TRIM55: variants seen among roughly 807,000 people sequenced by gnomAD.
TRIM55 encodes the protein tripartite motif containing 55.
TRIM55 carries 50 observed loss-of-function variants against 60.9 expected under a neutral mutation model. That is an observed-to-expected ratio of 0.82 (90% CI 0.65 to 1.04). TRIM55 has a LOEUF of 1.04. TRIM55 is among the 50% of genes least tolerant of loss of function. The probability of loss-of-function intolerance (pLI) is 0.00; values close to 1 mark genes in which losing one functional copy is unlikely to be tolerated. For synonymous variants in TRIM55, 237 were observed against 238.1 expected, an observed-to-expected ratio of 1.00 and a Z score of 0.04; for missense variants, 681 against 666.9, an observed-to-expected ratio of 1.02 and a Z score of -0.23.
intron 9 of TRIM55, chr8:66,155,532 G>C: frequency 1.0e-6 from 1 of 995,158 alleles, no homozygotes; most frequent in Non-Finnish European, 1.5e-6. Flanking sequence ...ACGTAGTAGG[G>C]CTCAAGCCAA....
intron 7 of TRIM55, 85 bp downstream of exon 7, chr8:66,150,551 A>C: frequency 6.7e-7 from 1 of 1,493,150 alleles, no homozygotes; most frequent in Non-Finnish European, 9.2e-7. Context: ...GCGGGGATTC[A>C]GAATCACCTC....
Position 66,127,163 on chromosome 8 carries a change from G to A in TRIM55, c.-106G>A, listed in dbSNP as rs1361210055. On this transcript the variant is annotated 5_prime_UTR_variant, in exon 1 of 10. Coordinates refer to ENST00000315962, the MANE Select transcript of TRIM55 (RefSeq NM_184085.2). ...AACAATGTCCTCCACCGAGAGAAAC[G>A]TAAAGGACACTTGATCACACAATCC... The A allele has an allele frequency of 1.2e-5, 15 of 1,259,856 alleles. No individual in the cohort carries two copies. The highest frequency in any genetic ancestry group is 9.7e-5 in the East Asian group (4 of 41,080). 78.0% of individuals were successfully genotyped at this position (1,259,856 alleles called of 1,614,324 possible).
intron 2 of TRIM55, among the ~76,000 whole-genome samples, chr8:66,133,536 C>T (rs979410818): frequency 4.6e-5 from 7 of 152,096 alleles, no homozygotes; most frequent in African/African-American, 1.7e-4. Context: ...ATAATGTGGT[C>T]AAATCAGAAG....
chr8:66,148,858 G>C (rs1323802000), intron 4 of TRIM55, among the ~76,000 whole-genome samples: 2 of 152,182 alleles, frequency 1.3e-5, no homozygotes, highest in Non-Finnish European at 2.9e-5. Flanking sequence ...AGACCGGCCT[G>C]GCCAATGTGG....
At chr8:66,139,230 G>A (rs1157367365) in intron 4 of TRIM55, among the ~76,000 whole-genome samples, 2 of 152,212 alleles carry the variant, frequency 1.3e-5, no homozygotes. Context: ...ATAGGAGCAC[G>A]TTGCTTGTGG....
chr8:66,128,589 T>C, intron 2 of TRIM55, 113 bp downstream of exon 2: 4 of 1,210,880 alleles, frequency 3.3e-6, no homozygotes, highest in Admixed American at 5.3e-5. Context: ...GACTGTTTTA[T>C]GGAAAAATGG....
intron 9 of TRIM55, among the ~76,000 whole-genome samples, 168 bp from the exon 10 acceptor site, chr8:66,174,303 A>C (rs939796123): frequency 6.6e-6 from 1 of 151,884 alleles, no homozygotes; most frequent in Non-Finnish European, 1.5e-5. Context: ...AGCCAAAATA[A>C]TCTGAGCTTG....
At chr8:66,123,558 G>GA (rs892927891), upstream of TRIM55, among the ~76,000 whole-genome samples, 21 of 150,858 alleles carry the variant, frequency 1.4e-4, no homozygotes, top group African/African-American at 2.9e-4. Flanking sequence ...AGAACAGAGA[G>GA]AAAAAAAAAG....
chr8:66,150,645 T>G (rs1810365791), intron 7 of TRIM55, among the ~76,000 whole-genome samples, 179 bp downstream of exon 7: 1 of 151,982 alleles, frequency 6.6e-6, no homozygotes, highest in African/African-American at 2.4e-5. Context: ...TTGTTGACAG[T>G]GTTTATTTAG....
chr8:66,137,121 C>T lies in TRIM55; in HGVS notation c.534C>T (p.Ile178=). The T allele has an allele frequency of 6.2e-7, 1 of 1,614,122 alleles. No homozygotes were observed. The highest frequency in any genetic ancestry group is 8.5e-7 in the Non-Finnish European group (1 of 1,180,002). The change falls in exon 4 of 10, where the codon ATC becomes ATT. Residue 178 remains isoleucine, a synonymous_variant. Coordinates refer to ENST00000315962, the MANE Select transcript of TRIM55 (RefSeq NM_184085.2). The part of the protein sequence containing the change: ...QKSELSDGIA[I]LVGSNDRVQG... ...CTGAGCTCAGTGATGGCATCGCCAT[C>T]CTCGTGGGCAGCAACGATCGAGTCC...
At chr8:66,131,984 A>G (rs186938813) in intron 2 of TRIM55, among the ~76,000 whole-genome samples, 8 of 152,382 alleles carry the variant, frequency 5.2e-5, no homozygotes, top group African/African-American at 1.2e-4. Flanking sequence ...AAATACATAC[A>G]TACATATATA....
chr8:66,170,035 C>T (rs972041633), intron 9 of TRIM55, among the ~76,000 whole-genome samples: 22 of 149,904 alleles, frequency 1.5e-4, no homozygotes, highest in South Asian at 4.3e-4. Flanking sequence ...GTAACATGAA[C>T]GAAAAAGCAG....
chr8:66,134,077 T>TTCCATATCTATA (rs1809333690), intron 2 of TRIM55, among the ~76,000 whole-genome samples: 1 of 152,258 alleles, frequency 6.6e-6, no homozygotes, highest in Admixed American at 6.5e-5. Flanking sequence ...TCTATTTTTA[T>TTCCATATCTATA]TTTAACAATG....
intron 2 of TRIM55, among the ~76,000 whole-genome samples, chr8:66,134,595 C>T (rs1425243849): frequency 6.6e-6 from 1 of 152,174 alleles, no homozygotes; most frequent in Non-Finnish European, 1.5e-5. Context: ...CATGTAGACA[C>T]AGTGCTGGAC....
intron 2 of TRIM55, among the ~76,000 whole-genome samples, chr8:66,128,723 G>A (rs1808973131): frequency 2.6e-5 from 4 of 152,122 alleles, no homozygotes; most frequent in Admixed American, 2.6e-4. Flanking sequence ...ATCCATTCCA[G>A]ATGGTGATGC....
chr8:66,137,020 A>T lies in TRIM55; in HGVS notation c.508-75A>T, dbSNP rs16932554. 0.012 allele frequency: 15,759 copies of T among 1,263,100 alleles called. 1,033 individuals are homozygous for T. In the African/African-American group the frequency reaches 0.17, roughly 14 times the overall value. 78.2% of individuals were successfully genotyped at this position (1,263,100 alleles called of 1,614,324 possible). A position where few individuals can be genotyped will look rare whatever the true frequency, so the allele number is the denominator to read the frequency against. Reference sequence around the variant, plus strand: ...TCCTAAATTAAGAACCTGTAAAGACAATATTATGACCAATTCACAGTCGGG... The same window carrying T: ...TCCTAAATTAAGAACCTGTAAAGACTATATTATGACCAATTCACAGTCGGG... On this transcript the variant is annotated intron_variant, in intron 3 of 9. Coordinates refer to ENST00000315962, the MANE Select transcript of TRIM55 (RefSeq NM_184085.2).
In TRIM55 at chr8:66,137,077, A is replaced by C. The variant is rs1809519917; in HGVS notation, c.508-18A>C. The C allele has an allele frequency of 1.9e-6, 3 of 1,610,784 alleles. No individual in the cohort carries two copies. The highest frequency in any genetic ancestry group is 2.2e-5 in the East Asian group (1 of 44,806). ...AGGAAACCCCTAAGATATTGGGTTC[A>C]TGTTTTCTCTTCATTAGTCTGAGCT... On this transcript the variant is annotated intron_variant, in intron 3 of 9. Coordinates refer to ENST00000315962, the MANE Select transcript of TRIM55 (RefSeq NM_184085.2).
At chr8:66,139,247 G>A (rs1421110642) in intron 4 of TRIM55, among the ~76,000 whole-genome samples, 2 of 152,146 alleles carry the variant, frequency 1.3e-5, no homozygotes, top group African/African-American at 2.4e-5. Flanking sequence ...GTGGGTGAGC[G>A]AGGTAATCTC....
At chr8:66,152,703 A>T in intron 8 of TRIM55, 76 bp downstream of exon 8, 1 of 1,521,590 alleles carries the variant, frequency 6.6e-7, no homozygotes, top group African/African-American at 1.4e-5. Flanking sequence ...AATTTACCCT[A>T]TTCTGCCTTA....
Sources: gnomAD v4.1 joint callset for allele counts (sites outside exome capture counted in the v4.1 genomes callset) on GRCh38, gnomAD v4.1.1 for gene constraint, MANE v1.5 for transcripts, NCBI Gene and HGNC (gene_info 2026-07-23, HGNC 2026-07-21) for gene names.